DOCK1: variants seen among roughly 807,000 people sequenced by gnomAD.
DOCK1 encodes the protein dedicator of cytokinesis 1, also known as dedicator of cytokinesis protein 1.
Under a neutral mutation model 262.7 loss-of-function variants are expected in DOCK1, and 138 were observed. The ratio of observed to expected loss-of-function variants is 0.53; its 90% CI spans 0.46 to 0.61. The LOEUF is 0.61. Among genes scored for constraint, DOCK1 ranks in the 20% least tolerant of loss-of-function variants. The probability of loss-of-function intolerance (pLI) is 0.00; values close to 1 mark genes in which losing one functional copy is unlikely to be tolerated. For missense variants in DOCK1, 1,908 were observed against 2,370.7 expected, an observed-to-expected ratio of 0.80 and a Z score of 4.05; for synonymous variants, 866 against 867.4, an observed-to-expected ratio of 1.00 and a Z score of 0.03.
At chr10:127,414,179 TG>T (rs1304538959) in intron 43 of DOCK1, among the ~76,000 whole-genome samples, 1 of 152,186 alleles carries the variant, frequency 6.6e-6, no homozygotes, top group East Asian at 1.9e-4. Context: ...CCCAAAGTGC[TG>T]GGATTACAGA....
At chr10:127,056,508 G>A (rs546331351) in intron 22 of DOCK1, among the ~76,000 whole-genome samples, 2 of 152,216 alleles carry the variant, frequency 1.3e-5, no homozygotes, top group South Asian at 4.2e-4. Context: ...TTCTGGGGAT[G>A]TTGATACTCA....
intron 25 of DOCK1, among the ~76,000 whole-genome samples, chr10:127,113,797 A>T (rs1259566113): frequency 6.6e-6 from 1 of 152,202 alleles, no homozygotes; most frequent in Non-Finnish European, 1.5e-5. Context: ...ATTTGCTCAC[A>T]GAGCATTCAG....
intron 43 of DOCK1, 60 bp from the exon 44 acceptor site, chr10:127,415,092 G>C: frequency 1.3e-6 from 2 of 1,510,844 alleles, no homozygotes; most frequent in Non-Finnish European, 1.8e-6. Flanking sequence ...CCTTAGGGCA[G>C]AGCTGTCCAC....
At chr10:127,081,974 C>T (rs1330883455) in intron 23 of DOCK1, among the ~76,000 whole-genome samples, 4 of 152,116 alleles carry the variant, frequency 2.6e-5, no homozygotes, top group Non-Finnish European at 4.4e-5. Context: ...GTTCTTCACG[C>T]GAAAGCAGCT....
intron 1 of DOCK1, among the ~76,000 whole-genome samples, chr10:126,958,450 A>G (rs1265914654): frequency 1.3e-5 from 2 of 152,172 alleles, no homozygotes; most frequent in African/African-American, 4.8e-5. Flanking sequence ...GCTCATGGAG[A>G]CCAGAGCAGG....
At position 127,052,792 on chromosome 10, in the gene DOCK1, G is replaced by A. The variant is rs1009708149; in HGVS notation, c.2313G>A (p.Val771=). 3.1e-6 allele frequency: 5 copies of A among 1,613,654 alleles called. No individual in the cohort carries two copies. The highest frequency in any genetic ancestry group is 4.2e-6 in the Non-Finnish European group (5 of 1,179,702). The change falls in exon 22 of 52, where the codon GTG becomes GTA. Residue 771 remains valine, a synonymous_variant. Coordinates refer to ENST00000623213, the MANE Select transcript of DOCK1 (RefSeq NM_001290223.2). The part of the protein sequence containing the change: ...KALESIFKFI[V]RSRILFNQLY... ...TAGAATCCATCTTCAAGTTCATCGT[G>A]CGCTCCAGGATCCTGTTCAATCAGT...
intron 27 of DOCK1, among the ~76,000 whole-genome samples, chr10:127,201,069 G>A (rs1225239116): frequency 6.6e-6 from 1 of 152,168 alleles, no homozygotes; most frequent in Non-Finnish European, 1.5e-5. Context: ...AACTCATATC[G>A]CCTTCGACCT....
chr10:127,272,321 G>A (rs2498947), intron 29 of DOCK1: 41,620 of 152,100 alleles, frequency 0.27, 7,110 homozygotes, highest in South Asian at 0.52. Context: ...CTGCACTGAA[G>A]CCTCTTTCCT....
At chr10:127,001,487 C>T (rs193036237) in intron 10 of DOCK1, 1 of 152,282 alleles carries the variant, frequency 6.6e-6, no homozygotes, top group East Asian at 1.9e-4. Context: ...CTGTAGTTTA[C>T]ATTAGCGTTC....
intron 35 of DOCK1, among the ~76,000 whole-genome samples, chr10:127,374,856 G>A (rs2065399690): frequency 6.6e-6 from 1 of 152,180 alleles, no homozygotes; most frequent in South Asian, 2.1e-4. Context: ...GGCCAGGAAG[G>A]ATCCCCCCCT....
At chr10:127,432,227 T>C (rs1565088194) in intron 47 of DOCK1, among the ~76,000 whole-genome samples, 1 of 152,164 alleles carries the variant, frequency 6.6e-6, no homozygotes, top group Non-Finnish European at 1.5e-5. Context: ...GAGCTTCTTA[T>C]TATGAAAGAG....
intron 27 of DOCK1, among the ~76,000 whole-genome samples, chr10:127,155,587 C>G (rs2052964560): frequency 6.6e-6 from 1 of 152,116 alleles, no homozygotes; most frequent in South Asian, 2.1e-4. Context: ...CCCCTTGTTC[C>G]TCACCAGACA....
At chr10:127,330,989 C>G (rs1175256853) in intron 29 of DOCK1, among the ~76,000 whole-genome samples, 17 of 152,296 alleles carry the variant, frequency 1.1e-4, no homozygotes, top group Non-Finnish European at 2.2e-4. Context: ...GCCAGAGCCA[C>G]CCTGCAGTTG....
chr10:127,409,710 G>A (rs913038184), intron 42 of DOCK1, among the ~76,000 whole-genome samples: 1 of 152,124 alleles, frequency 6.6e-6, no homozygotes, highest in Non-Finnish European at 1.5e-5. Context: ...CAATCCCCTA[G>A]GGAACTTCAC....
chr10:127,375,815 A>G (rs1260058140), intron 35 of DOCK1, among the ~76,000 whole-genome samples: 1 of 152,210 alleles, frequency 6.6e-6, no homozygotes, highest in Non-Finnish European at 1.5e-5. Context: ...AGAGCTTGCA[A>G]ATTGTCACTC....
chr10:127,097,256 C>T (rs12250771), intron 23 of DOCK1, among the ~76,000 whole-genome samples: 36,890 of 152,160 alleles, frequency 0.24, 6,364 homozygotes, highest in African/African-American at 0.5. Context: ...TCAGTTTTGA[C>T]CTCAGTTTCC....
chr10:127,295,788 C>T, intron 29 of DOCK1, among the ~76,000 whole-genome samples: 1 of 152,200 alleles, frequency 6.6e-6, no homozygotes, highest in East Asian at 1.9e-4. Flanking sequence ...TCCTGCCTCA[C>T]CCCTAGATAA....
intron 1 of DOCK1, among the ~76,000 whole-genome samples, chr10:126,908,929 A>G (rs1472416629): frequency 6.6e-6 from 1 of 152,148 alleles, no homozygotes; most frequent in Non-Finnish European, 1.5e-5. Context: ...CCATGTGCTC[A>G]CTCACTCACA....
rs77858851 is a variant in DOCK1 at position 127,153,546 on chromosome 10, T to A, written c.2847+25782T>A. ...TGAAGGGCCTATGTTTTACAGCCTTTCCAGAACACAGAGCCCAGGGCTCAC... is the reference window on the plus strand; with the variant it reads ...TGAAGGGCCTATGTTTTACAGCCTTACCAGAACACAGAGCCCAGGGCTCAC... On this transcript the variant is annotated intron_variant, in intron 27 of 51. Transcript: ENST00000623213. Among the ~76,000 whole-genome samples the A allele has an allele frequency of 1.6e-3, 239 of 152,294 alleles. 2 individuals are homozygous for A. Among genetic ancestry groups the A allele is most frequent in the African/African-American group, 5.5e-3 (228 of 41,562 alleles).
Sources: allele counts gnomAD v4.1 joint callset (sites outside exome capture counted in the v4.1 genomes callset), GRCh38; gene constraint gnomAD v4.1.1; transcripts MANE v1.5; gene names NCBI Gene and HGNC (gene_info 2026-07-23, HGNC 2026-07-21).